The following LHFPL3 variants were observed in gnomAD, a reference collection of about 807,000 sequenced individuals.
The protein encoded by LHFPL3 is LHFPL tetraspan subfamily member 3 protein.
In LHFPL3, 5 loss-of-function variants were observed where a neutral mutation model predicts 19.3. The observed-to-expected ratio is 0.26, with a 90% CI of 0.14 to 0.54. The LOEUF is 0.54. LHFPL3 is among the 20% of genes least tolerant of loss of function. The probability of loss-of-function intolerance (pLI) is 0.94; values close to 1 mark genes in which losing one functional copy is unlikely to be tolerated. For missense variants in LHFPL3, 249 were observed against 307.4 expected (o/e 0.81, Z 1.42); for synonymous variants, 133 against 126.2 (o/e 1.05, Z -0.36).
chr7:104,389,397 A>G (rs887896656), intron 1 of LHFPL3, among the ~76,000 whole-genome samples: 3 of 152,204 alleles, frequency 2.0e-5, no homozygotes, highest in Non-Finnish European at 4.4e-5. Flanking sequence ...AAGGCAATTC[A>G]TGTGTATAGA....
chr7:104,511,670 C>G (rs959618072), intron 1 of LHFPL3, among the ~76,000 whole-genome samples: 1 of 152,054 alleles, frequency 6.6e-6, no homozygotes, highest in African/African-American at 2.4e-5. Context: ...CATGCAGTGA[C>G]CTGGATGAAA....
At chr7:104,412,303 T>C (rs1299076583) in intron 1 of LHFPL3, among the ~76,000 whole-genome samples, 1 of 152,112 alleles carries the variant, frequency 6.6e-6, no homozygotes, top group Non-Finnish European at 1.5e-5. Flanking sequence ...AATCTGCCCA[T>C]AGTCTTGCAG....
At chr7:104,337,339 G>A (rs1228679029) in intron 1 of LHFPL3, among the ~76,000 whole-genome samples, 2 of 152,048 alleles carry the variant, frequency 1.3e-5, no homozygotes, top group African/African-American at 4.8e-5. Context: ...AACATCAGAT[G>A]CCTATTTAAT....
At chr7:104,820,532 C>G (rs1273882551) in intron 2 of LHFPL3, among the ~76,000 whole-genome samples, 1 of 152,154 alleles carries the variant, frequency 6.6e-6, no homozygotes, top group Non-Finnish European at 1.5e-5. Context: ...GTTTCCAGGG[C>G]TCTTTGCTGA....
Position 104,422,630 on chromosome 7 carries a change from T to C in LHFPL3, c.445+93406T>C, listed in dbSNP as rs550178763. On this transcript the variant is annotated intron_variant, in intron 1 of 2. Coordinates refer to ENST00000424859, the MANE Select transcript of LHFPL3 (RefSeq NM_199000.3). ...AATTTCAAGTCCACCACGTACTATG[T>C]ATGTGACTTGCGCAAGTTACTTTAT... Among the ~76,000 whole-genome samples, 3 of 152,324 alleles carry C rather than the reference T, an allele frequency of 2.0e-5. No homozygotes were observed. In the South Asian group the frequency reaches 6.2e-4, roughly 32 times the overall value.
chr7:104,592,984 C>A (rs1790758635), intron 1 of LHFPL3, among the ~76,000 whole-genome samples: 1 of 152,146 alleles, frequency 6.6e-6, no homozygotes, highest in South Asian at 2.1e-4. Flanking sequence ...TTGAATGAAA[C>A]CAGCTCCTGG....
intron 2 of LHFPL3, among the ~76,000 whole-genome samples, chr7:104,868,663 T>C (rs568221875): frequency 1.3e-5 from 2 of 152,304 alleles, no homozygotes; most frequent in South Asian, 2.1e-4. Flanking sequence ...AGGTAATTTA[T>C]AGATTCAGTG....
chr7:104,782,230 T>C (rs568506823), intron 2 of LHFPL3, among the ~76,000 whole-genome samples: 2 of 152,192 alleles, frequency 1.3e-5, no homozygotes, highest in African/African-American at 2.4e-5. Flanking sequence ...CTTCTCCACA[T>C]GGTCTCTTCA....
At chr7:104,559,879 T>TCAA in intron 1 of LHFPL3, among the ~76,000 whole-genome samples, 1 of 142,882 alleles carries the variant, frequency 7.0e-6, no homozygotes, top group Non-Finnish European at 1.5e-5. Flanking sequence ...TATTGAGAGT[T>TCAA]TTTAGCATGA....
intron 2 of LHFPL3, among the ~76,000 whole-genome samples, chr7:104,751,167 C>T (rs1264296896): frequency 7.1e-5 from 6 of 84,928 alleles, no homozygotes; most frequent in African/African-American, 1.5e-4. Context: ...TCTGAGATTA[C>T]ATCTGATCCT....
intron 1 of LHFPL3, among the ~76,000 whole-genome samples, chr7:104,623,864 A>C (rs1390150651): frequency 6.6e-6 from 1 of 152,150 alleles, no homozygotes; most frequent in Non-Finnish European, 1.5e-5. Context: ...AAACAATGCC[A>C]TGTGCCACAC....
rs117365853 is a variant in LHFPL3, at chr7:104,583,415, C to G, written c.446-153260C>G. The stretch of plus-strand genomic sequence containing the variant: ...CATAGGCATGGGCAGAACTTCATGT[C>G]TAAAACATCAAAAGCAATCGCAACA... On this transcript the variant is annotated intron_variant, in intron 1 of 2. Transcript: ENST00000424859. Among the ~76,000 whole-genome samples, 619 of 152,272 alleles carry G rather than the reference C, an allele frequency of 4.1e-3. 33 individuals are homozygous for G. In the East Asian group the frequency reaches 0.099, roughly 24 times the overall value.
chr7:104,568,217 G>T (rs558214713), intron 1 of LHFPL3, among the ~76,000 whole-genome samples: 4 of 152,182 alleles, frequency 2.6e-5, no homozygotes, highest in Non-Finnish European at 4.4e-5. Flanking sequence ...AAGAGCTACT[G>T]ACTTGGTAGG....
At chr7:104,790,324 C>A (rs1790001426) in intron 2 of LHFPL3, among the ~76,000 whole-genome samples, 1 of 152,168 alleles carries the variant, frequency 6.6e-6, no homozygotes. Context: ...CTTTTTCACT[C>A]CCCAGGGAGG....
intron 1 of LHFPL3, among the ~76,000 whole-genome samples, chr7:104,376,029 G>A (rs531721839): frequency 6.6e-6 from 1 of 152,268 alleles, no homozygotes; most frequent in South Asian, 2.1e-4. Flanking sequence ...GTATCTTTAT[G>A]GCACATTAGG....
chr7:104,676,907 C>G (rs561625556), intron 1 of LHFPL3, among the ~76,000 whole-genome samples: 1 of 152,146 alleles, frequency 6.6e-6, no homozygotes, highest in Non-Finnish European at 1.5e-5. Flanking sequence ...TCAAAGGAAA[C>G]AGTCATTGGT....
chr7:104,564,253 T>C (rs1790076732), intron 1 of LHFPL3, among the ~76,000 whole-genome samples: 1 of 152,176 alleles, frequency 6.6e-6, no homozygotes, highest in Admixed American at 6.5e-5. Context: ...TACTGAATGA[T>C]GTTTGGAGGA....
In LHFPL3 at chr7:104,770,905, C is replaced by T. The variant is rs1030351016; in HGVS notation, c.682+33994C>T. Among the ~76,000 whole-genome samples the T allele has an allele frequency of 5.3e-5, 8 of 152,196 alleles. 1 individual carries two copies. The highest frequency in any genetic ancestry group is 1.7e-4 in the African/African-American group (7 of 41,450). On this transcript the variant is annotated intron_variant, in intron 2 of 2. Coordinates refer to ENST00000424859, the MANE Select transcript of LHFPL3 (RefSeq NM_199000.3). Reference sequence around the variant, plus strand: ...TGCATATTGTGCCCCACCGCATGCCCGTCATCCCCTGTAGCATGTCAGTTT... The same window carrying T: ...TGCATATTGTGCCCCACCGCATGCCTGTCATCCCCTGTAGCATGTCAGTTT...
chr7:104,662,399 C>A (rs1792241289), intron 1 of LHFPL3, among the ~76,000 whole-genome samples: 1 of 152,064 alleles, frequency 6.6e-6, no homozygotes, highest in South Asian at 2.1e-4. Flanking sequence ...CCCCAAGGAC[C>A]CAAGTATGCA....
Sources: allele counts gnomAD v4.1 joint callset (sites outside exome capture counted in the v4.1 genomes callset), GRCh38; gene constraint gnomAD v4.1.1; transcripts MANE v1.5; gene names NCBI Gene and HGNC (gene_info 2026-07-23, HGNC 2026-07-21).